Variants in PARD3 observed in about 807,000 individuals in gnomAD.
The protein encoded by PARD3 is par-3 family cell polarity regulator.
A neutral mutation model predicts 155.4 loss-of-function variants in PARD3; 75 were observed. That is an observed-to-expected ratio of 0.48 (90% CI 0.40 to 0.58). The LOEUF is 0.58. PARD3 is among the 20% of genes least tolerant of loss of function. The pLI, the probability that PARD3 is intolerant of heterozygous loss-of-function variation, is 0.00. For missense variants in PARD3, 1,642 were observed against 1,721.7 expected, an observed-to-expected ratio of 0.95 and a Z score of 0.82; for synonymous variants, 576 against 610.5, an observed-to-expected ratio of 0.94 and a Z score of 0.83.
intron 4 of PARD3, among the ~76,000 whole-genome samples, chr10:34,460,319 C>A (rs181536151): frequency 2.2e-3 from 334 of 152,160 alleles, no homozygotes; most frequent in Non-Finnish European, 3.3e-3. Flanking sequence ...CCCAAAAAAA[C>A]ACAATCTAAC....
At chr10:34,226,069 A>G (rs192926607) in intron 22 of PARD3, among the ~76,000 whole-genome samples, 188 of 152,358 alleles carry the variant, frequency 1.2e-3, no homozygotes, top group African/African-American at 4.3e-3. Context: ...AGATCTATAA[A>G]TGACTTACAA....
chr10:34,171,293 G>C (rs188314091), intron 22 of PARD3, among the ~76,000 whole-genome samples: 140 of 152,254 alleles, frequency 9.2e-4, no homozygotes, highest in African/African-American at 2.3e-3. Flanking sequence ...GATAATCGAG[G>C]TTGCCTTTTT....
At position 34,645,076 on chromosome 10, in the gene PARD3, C is replaced by G. The variant is rs187954314; in HGVS notation, c.222+51242G>C. Reference sequence around the variant, plus strand: ...CTATGTTGCCCAGGCTGGTCTCAAACTCCTGGCCTCAAATGATCCTCTCGC... The same window carrying G: ...CTATGTTGCCCAGGCTGGTCTCAAAGTCCTGGCCTCAAATGATCCTCTCGC... On this transcript the variant is annotated intron_variant, in intron 2 of 24. Coordinates refer to ENST00000374788, the MANE Select transcript of PARD3 (RefSeq NM_001184785.2). Among the ~76,000 whole-genome samples, 15 of 152,298 alleles carry G rather than the reference C, an allele frequency of 9.8e-5. No homozygotes were observed. The East Asian group carries it at 2.9e-3, about 29-fold the overall frequency.
intron 1 of PARD3, among the ~76,000 whole-genome samples, chr10:34,802,945 A>C (rs1842950923): frequency 6.6e-6 from 1 of 151,728 alleles, no homozygotes; most frequent in Non-Finnish European, 1.5e-5. Flanking sequence ...AGGACTCCCG[A>C]CCAGGCACGG....
At chr10:34,398,568 C>T (rs1322858905) in intron 7 of PARD3, among the ~76,000 whole-genome samples, 1 of 152,140 alleles carries the variant, frequency 6.6e-6, no homozygotes, top group Admixed American at 6.5e-5. Flanking sequence ...ACAAGTTAAA[C>T]ATGCACAAGT....
chr10:34,154,953 C>T (rs1948938667), intron 22 of PARD3, among the ~76,000 whole-genome samples: 1 of 152,132 alleles, frequency 6.6e-6, no homozygotes, highest in East Asian at 1.9e-4. Context: ...GTTGAGAATA[C>T]AGAGGTGTGA....
chr10:34,356,864 C>T (rs1201517590), intron 14 of PARD3, among the ~76,000 whole-genome samples: 1 of 152,174 alleles, frequency 6.6e-6, no homozygotes, highest in East Asian at 1.9e-4. Flanking sequence ...GATAGCACAG[C>T]ACTCATAAGA....
rs11009752 is a variant in PARD3 at position 34,358,890 on chromosome 10, A to C, written c.2067+257T>G. ...CCTGATTTCAAGAAAAAATTCAGCT[A>C]AAGGGGCTTTTGAGATCCCAGTGTT... On this transcript the variant is annotated intron_variant, in intron 14 of 24. Transcript: ENST00000374788. Among the ~76,000 whole-genome samples, 555 of 152,292 alleles carry C rather than the reference A, an allele frequency of 3.6e-3. 3 individuals are homozygous for C. Among genetic ancestry groups the C allele is most frequent in the South Asian group, 0.015 (70 of 4,824 alleles).
At chr10:34,373,154 G>T (rs960384008) in intron 11 of PARD3, among the ~76,000 whole-genome samples, 2 of 152,012 alleles carry the variant, frequency 1.3e-5, no homozygotes, top group African/African-American at 4.8e-5. Flanking sequence ...CTGGATTCAA[G>T]ATTATTTTTA....
At chr10:34,259,652 TA>T (rs1954850368) in intron 22 of PARD3, among the ~76,000 whole-genome samples, 1 of 152,192 alleles carries the variant, frequency 6.6e-6, no homozygotes, top group Admixed American at 6.5e-5. Context: ...GGGGAAGCAT[TA>T]TCATGCCCAT....
rs539788318 is a variant in PARD3, at chr10:34,497,918, C to A, written c.403+19061G>T. Among the ~76,000 whole-genome samples, 86 of 152,164 alleles carry A rather than the reference C, an allele frequency of 5.7e-4. 1 individual carries two copies. Among genetic ancestry groups the A allele is most frequent in the African/African-American group, 2.0e-3 (81 of 41,524 alleles). On this transcript the variant is annotated intron_variant, in intron 3 of 24. Coordinates refer to ENST00000374788, the MANE Select transcript of PARD3 (RefSeq NM_001184785.2). ...ACACATGTAAAACAGTTGCATTTTA[C>A]CCACACATACTTAGATCTTGGAAAA...
intron 3 of PARD3, among the ~76,000 whole-genome samples, chr10:34,481,187 C>G (rs1237048329): frequency 7.1e-6 from 1 of 140,172 alleles, no homozygotes; most frequent in African/African-American, 3.0e-5. Flanking sequence ...GCATAGTATC[C>G]AACAGTTGTT....
chr10:34,151,273 C>T (rs1012159025), intron 22 of PARD3, among the ~76,000 whole-genome samples: 9 of 151,178 alleles, frequency 6.0e-5, no homozygotes, highest in African/African-American at 2.2e-4. Context: ...CACCAAGAAA[C>T]GTAGTCTGAT....
At chr10:34,788,731 G>A (rs1296673524) in intron 1 of PARD3, among the ~76,000 whole-genome samples, 1 of 152,074 alleles carries the variant, frequency 6.6e-6, no homozygotes, top group South Asian at 2.1e-4. Flanking sequence ...AGGAGAAGAG[G>A]GTATTACAGC....
At chr10:34,259,127 A>C (rs560850156) in intron 22 of PARD3, among the ~76,000 whole-genome samples, 12 of 152,246 alleles carry the variant, frequency 7.9e-5, no homozygotes, top group African/African-American at 2.4e-4. Context: ...CAAAGAGAAC[A>C]GAGTTTCAGG....
intron 2 of PARD3, among the ~76,000 whole-genome samples, chr10:34,556,213 C>G (rs1416435509): frequency 6.6e-6 from 1 of 152,122 alleles, no homozygotes; most frequent in Non-Finnish European, 1.5e-5. Flanking sequence ...TTATGAAGAA[C>G]CCGGTAGTAC....
intron 2 of PARD3, among the ~76,000 whole-genome samples, chr10:34,550,552 G>C (rs2084465021): frequency 6.6e-6 from 1 of 151,050 alleles, no homozygotes; most frequent in Non-Finnish European, 1.5e-5. Context: ...TTACCACCTA[G>C]AAAAAAAACA....
chr10:34,458,352 A>G (rs928523889), intron 4 of PARD3, among the ~76,000 whole-genome samples: 2 of 152,144 alleles, frequency 1.3e-5, no homozygotes, highest in East Asian at 1.9e-4. Context: ...ATAGGCACAC[A>G]TCACCACACA....
intron 20 of PARD3, among the ~76,000 whole-genome samples, chr10:34,285,457 A>G (rs1956340976): frequency 6.6e-6 from 1 of 152,066 alleles, no homozygotes; most frequent in Non-Finnish European, 1.5e-5. Flanking sequence ...TGCACCTGTA[A>G]TCCCAGCTAC....
Sources: allele counts gnomAD v4.1 joint callset (sites outside exome capture counted in the v4.1 genomes callset), GRCh38; gene constraint gnomAD v4.1.1; transcripts MANE v1.5; gene names NCBI Gene and HGNC (gene_info 2026-07-23, HGNC 2026-07-21).